XPA: variants seen among roughly 807,000 people sequenced by gnomAD.
XPA encodes DNA repair protein complementing XP-A cells.
A neutral mutation model predicts 35.7 loss-of-function variants in XPA; 27 were observed. The ratio of observed to expected loss-of-function variants is 0.76; its 90% confidence interval spans 0.56 to 1.04. The LOEUF (loss-of-function observed/expected upper bound fraction) is 1.04, where lower values mean the gene tolerates loss of function less well. Among genes scored for constraint, XPA ranks in the 50% least tolerant of loss-of-function variants. The probability of loss-of-function intolerance (pLI) is 0.00; values close to 1 mark genes in which losing one functional copy is unlikely to be tolerated. For missense variants in XPA, 354 were observed against 342.7 expected (o/e 1.03, Z -0.26); for synonymous variants, 133 against 118.4 (o/e 1.12, Z -0.80).
intron 1 of XPA, among the ~76,000 whole-genome samples, chr9:97,694,696 T>G (rs1363539834): frequency 6.6e-6 from 1 of 152,204 alleles, no homozygotes; most frequent in Non-Finnish European, 1.5e-5. Context: ...TTTGGCAATA[T>G]CTACTAAAGC....
chr9:97,685,561 C>T (rs1828691522), intron 4 of XPA, among the ~76,000 whole-genome samples: 1 of 152,056 alleles, frequency 6.6e-6, no homozygotes, highest in Non-Finnish European at 1.5e-5. Context: ...CTTCATTCTA[C>T]TTTTAAAACT....
intron 2 of XPA, among the ~76,000 whole-genome samples, chr9:97,690,414 A>C (rs191550993): frequency 6.7e-5 from 10 of 148,780 alleles, no homozygotes; most frequent in Admixed American, 6.0e-4. Context: ...TTGAGATGGA[A>C]TCTCGCTCTG....
At chr9:97,672,568 T>TC (rs955350030), downstream of XPA, 2 of 152,200 alleles carry the variant, frequency 1.3e-5, no homozygotes, top group African/African-American at 4.8e-5. Flanking sequence ...TGTTTATCTT[T>TC]CCCATTGCTT....
At chr9:97,662,461 AAG>A in the XPA span, among the ~76,000 whole-genome samples, 2 of 152,214 alleles carry the variant, frequency 1.3e-5, no homozygotes, top group African/African-American at 4.8e-5. Context: ...AAAGCAATGT[AAG>A]AAGAAATTAG....
downstream of XPA, among the ~76,000 whole-genome samples, chr9:97,674,142 C>CCCT (rs1554698905): frequency 1.3e-5 from 2 of 151,540 alleles, no homozygotes; most frequent in African/African-American, 4.9e-5. Context: ...CCTTCCCCGC[C>CCCT]CCCATAATGC....
chr9:97,662,142 A>G, the XPA span: 1 of 1,609,738 alleles, frequency 6.2e-7, no homozygotes, highest in Non-Finnish European at 8.5e-7. Flanking sequence ...GTGCTCTTGC[A>G]AAGTATGTAT....
At chr9:97,665,906 C>T in the XPA span, among the ~76,000 whole-genome samples, 1 of 152,036 alleles carries the variant, frequency 6.6e-6, no homozygotes, top group South Asian at 2.1e-4. Context: ...TGTATTCTTA[C>T]AATAAATCAT....
chr9:97,677,752 C>T lies in XPA; in HGVS notation c.674-2165G>A, dbSNP rs533050515. Among the ~76,000 whole-genome samples, 44 of 147,960 alleles carry T rather than the reference C, an allele frequency of 3.0e-4. No individual in the cohort carries two copies. The South Asian group carries it at 6.9e-3, about 23-fold the overall frequency. The stretch of plus-strand genomic sequence containing the variant: ...TAAAAATGGATAGGTTTGGGTTTTT[C>T]TTTTTTTTTTACCCTTCTTTCCCTT... On this transcript the variant is annotated intron_variant, in intron 5 of 5. Coordinates refer to ENST00000375128, the MANE Select transcript of XPA (RefSeq NM_000380.4).
the XPA span, among the ~76,000 whole-genome samples, chr9:97,664,758 G>A: frequency 1.3e-5 from 2 of 152,188 alleles, no homozygotes; most frequent in African/African-American, 2.4e-5. Context: ...GTCTCAGCTA[G>A]TCCAGATGGA....
the XPA span, chr9:97,661,009 A>G: frequency 6.2e-7 from 1 of 1,613,004 alleles, no homozygotes; most frequent in Non-Finnish European, 8.5e-7. Context: ...AAGGCAACCA[A>G]TGATGAAATC....
rs559933944 is a variant in XPA at position 97,697,321 on chromosome 9, C to G, written c.-29G>C. The G allele has an allele frequency of 3.1e-6, 5 of 1,596,422 alleles. No individual in the cohort carries two copies. The highest frequency in any genetic ancestry group is 1.7e-5 in the Admixed American group (1 of 59,936). ...TGGCCCACTCCGAGGACCTAGCTCC[C>G]AGCTCCACGCACGCGCACTGCACGC... On this transcript the variant is annotated 5_prime_UTR_variant, in exon 1 of 6. Transcript: ENST00000375128.
the XPA span, among the ~76,000 whole-genome samples, chr9:97,659,534 T>C: frequency 1.3e-5 from 2 of 152,224 alleles, no homozygotes; most frequent in African/African-American, 4.8e-5. Flanking sequence ...TAGATATGAT[T>C]ATCAAAACTA....
the XPA span, chr9:97,664,382 G>A: frequency 1.9e-6 from 3 of 1,613,102 alleles, no homozygotes; most frequent in Admixed American, 5.0e-5. Context: ...TACACAAATA[G>A]TTGATTGTGC....
chr9:97,671,976 T>G (rs951279336), downstream of XPA: 3 of 152,198 alleles, frequency 2.0e-5, no homozygotes, highest in African/African-American at 7.2e-5. Flanking sequence ...GGGTTATTTG[T>G]CCAAGGTCTT....
At chr9:97,676,591 T>A (rs1828373219) in intron 5 of XPA, among the ~76,000 whole-genome samples, 1 of 152,220 alleles carries the variant, frequency 6.6e-6, no homozygotes, top group Non-Finnish European at 1.5e-5. Flanking sequence ...AAATACTACT[T>A]GAACCTTATT....
chr9:97,674,140 G>A (rs3176762), downstream of XPA, among the ~76,000 whole-genome samples: 5 of 151,266 alleles, frequency 3.3e-5, no homozygotes, highest in South Asian at 4.2e-4. Flanking sequence ...CTCCTTCCCC[G>A]CCCCCATAAT....
chr9:97,671,234 A>C, downstream of XPA: 1 of 1,389,396 alleles, frequency 7.2e-7, no homozygotes, highest in Non-Finnish European at 1.0e-6. Flanking sequence ...GTTTTTTTTG[A>C]TATCTTAAAA....
the XPA span, among the ~76,000 whole-genome samples, chr9:97,663,735 T>G: frequency 6.6e-6 from 1 of 151,826 alleles, no homozygotes; most frequent in African/African-American, 2.4e-5. Context: ...TCTGCCCACC[T>G]CGGCCTCCCA....
chr9:97,656,878 A>G, the XPA span, among the ~76,000 whole-genome samples: 10 of 152,270 alleles, frequency 6.6e-5, no homozygotes, highest in African/African-American at 2.2e-4. Flanking sequence ...CTGTGGTACA[A>G]TCCTACCACA....
Sources: gnomAD v4.1 joint callset for allele counts (sites outside exome capture counted in the v4.1 genomes callset) on GRCh38, gnomAD v4.1.1 for gene constraint, MANE v1.5 for transcripts, NCBI Gene and HGNC (gene_info 2026-07-23, HGNC 2026-07-21) for gene names.